TENM3: variants seen among roughly 807,000 people sequenced by gnomAD.
TENM3 encodes teneurin transmembrane protein 3.
In TENM3, 63 loss-of-function variants were observed where a neutral mutation model predicts 255.1. The observed-to-expected ratio is 0.25, with a 90% confidence interval of 0.20 to 0.30. The LOEUF (loss-of-function observed/expected upper bound fraction) is 0.30, where lower values mean the gene tolerates loss of function less well. Ranked by LOEUF, TENM3 falls within the 10% of genes least tolerant of loss-of-function variation. The probability of loss-of-function intolerance (pLI) is 1.00; values close to 1 mark genes in which losing one functional copy is unlikely to be tolerated. For missense variants in TENM3, 2,929 were observed against 3,461.1 expected (o/e 0.85, Z 3.86); for synonymous variants, 1,306 against 1,322.3 (o/e 0.99, Z 0.27).
intron 1 of TENM3, among the ~76,000 whole-genome samples, chr4:182,213,740 A>T (rs1027543197): frequency 6.6e-6 from 1 of 152,208 alleles, no homozygotes; most frequent in Non-Finnish European, 1.5e-5. Context: ...ATAGAATTTA[A>T]AAATTAGCCT....
At chr4:182,726,837 T>C (rs1004244679) in intron 13 of TENM3, among the ~76,000 whole-genome samples, 1 of 152,204 alleles carries the variant, frequency 6.6e-6, no homozygotes, top group African/African-American at 2.4e-5. Flanking sequence ...AATTCAACTT[T>C]GTCTGTTTTC....
intron 3 of TENM3, among the ~76,000 whole-genome samples, chr4:182,457,104 G>T (rs956896089): frequency 6.6e-6 from 1 of 151,184 alleles, no homozygotes; most frequent in African/African-American, 2.4e-5. Flanking sequence ...AGAATCTCTT[G>T]CACCTGGGAG....
the TENM3 span, among the ~76,000 whole-genome samples, chr4:182,066,599 A>AAATATATAT: frequency 0.014 from 1,874 of 137,020 alleles, 20 homozygotes; most frequent in Non-Finnish European, 0.023. Flanking sequence ...GTAAAAAAAA[A>AAATATATAT]ATATATATAT....
intron 4 of TENM3, among the ~76,000 whole-genome samples, chr4:182,619,481 G>C (rs886100225): frequency 3.3e-5 from 5 of 151,704 alleles, no homozygotes; most frequent in Non-Finnish European, 7.4e-5. Flanking sequence ...ACATCAAAAG[G>C]TTACTCTAAA....
the TENM3 span, among the ~76,000 whole-genome samples, chr4:181,706,891 A>G: frequency 6.6e-6 from 1 of 152,184 alleles, no homozygotes; most frequent in Non-Finnish European, 1.5e-5. Flanking sequence ...TGGCAATTAC[A>G]TCTGGTTACT....
the TENM3 span, among the ~76,000 whole-genome samples, chr4:181,631,328 T>A: frequency 6.6e-6 from 1 of 152,120 alleles, no homozygotes; most frequent in South Asian, 2.1e-4. Context: ...TCTCTTTTGT[T>A]GCCCAGGCAG....
chr4:182,075,622 G>A, the TENM3 span, among the ~76,000 whole-genome samples: 14 of 152,156 alleles, frequency 9.2e-5, no homozygotes, highest in South Asian at 2.1e-3. Flanking sequence ...GTGGTTCCCC[G>A]GATTTTCTCC....
chr4:181,654,034 T>A, the TENM3 span, among the ~76,000 whole-genome samples: 1 of 152,072 alleles, frequency 6.6e-6, no homozygotes, highest in Non-Finnish European at 1.5e-5. Context: ...TAGCATCTTT[T>A]ACTCCTCCTT....
chr4:182,090,877 A>G, the TENM3 span, among the ~76,000 whole-genome samples: 36 of 152,220 alleles, frequency 2.4e-4, no homozygotes, highest in Non-Finnish European at 5.1e-4. Flanking sequence ...TAGAGAAATA[A>G]TAACCATTTA....
chr4:182,065,690 A>G, the TENM3 span, among the ~76,000 whole-genome samples: 1 of 152,182 alleles, frequency 6.6e-6, no homozygotes, highest in African/African-American at 2.4e-5. Flanking sequence ...TCAGTTATAA[A>G]CGGGAACTTC....
At chr4:182,110,214 G>A in the TENM3 span, among the ~76,000 whole-genome samples, 2 of 152,170 alleles carry the variant, frequency 1.3e-5, no homozygotes, top group South Asian at 2.1e-4. Flanking sequence ...CCTTGTCTAC[G>A]GTTGCCTTCC....
chr4:181,644,411 A>G, the TENM3 span, among the ~76,000 whole-genome samples: 1 of 150,608 alleles, frequency 6.6e-6, no homozygotes, highest in Admixed American at 6.6e-5. Flanking sequence ...ATTGCCTGCA[A>G]AAAGGTGGAA....
chr4:182,489,746 C>A (rs1331429059), intron 3 of TENM3, among the ~76,000 whole-genome samples: 3 of 151,930 alleles, frequency 2.0e-5, no homozygotes, highest in African/African-American at 7.3e-5. Flanking sequence ...CTTTTCTCCT[C>A]TTTCTTCCTT....
the TENM3 span, among the ~76,000 whole-genome samples, chr4:181,988,679 A>G: frequency 7.2e-5 from 11 of 152,254 alleles, no homozygotes; most frequent in South Asian, 1.4e-3. Context: ...CAGTTTATAA[A>G]TGAAGGAACT....
chr4:181,679,876 TAGTTCAAAGTGGGGTTCAGGC>T, the TENM3 span, among the ~76,000 whole-genome samples: 1 of 152,152 alleles, frequency 6.6e-6, no homozygotes, highest in African/African-American at 2.4e-5. Flanking sequence ...TTTATGTAGT[TAGTTCAAAGTGGGGTTCAGGC>T]AGTATGAGAC....
chr4:182,724,371 A>C (rs1406975178), intron 13 of TENM3, among the ~76,000 whole-genome samples: 1 of 152,214 alleles, frequency 6.6e-6, no homozygotes, highest in Non-Finnish European at 1.5e-5. Flanking sequence ...ATAAATACAG[A>C]CCAAAAAATG....
intron 1 of TENM3, among the ~76,000 whole-genome samples, chr4:182,170,107 C>G (rs923177959): frequency 1.9e-4 from 28 of 151,196 alleles, no homozygotes; most frequent in African/African-American, 6.8e-4. Flanking sequence ...AACAAATTGG[C>G]ACTTTCATGT....
At chr4:181,510,341 A>G in the TENM3 span, among the ~76,000 whole-genome samples, 24 of 152,178 alleles carry the variant, frequency 1.6e-4, no homozygotes, top group Admixed American at 6.5e-5. Flanking sequence ...CCAGACAAAC[A>G]ACATACCAAA....
intron 3 of TENM3, among the ~76,000 whole-genome samples, chr4:182,572,956 G>T (rs999975634): frequency 6.6e-6 from 1 of 152,176 alleles, no homozygotes; most frequent in Non-Finnish European, 1.5e-5. Context: ...AGTTCATCTA[G>T]GTTCTAGGGC....
Sources: gnomAD v4.1 joint callset for allele counts (sites outside exome capture counted in the v4.1 genomes callset) on GRCh38, gnomAD v4.1.1 for gene constraint, MANE v1.5 for transcripts, NCBI Gene and HGNC (gene_info 2026-07-23, HGNC 2026-07-21) for gene names.